The following ADGRB3 variants were observed in gnomAD, a reference collection of about 807,000 sequenced individuals.
ADGRB3 encodes brain-specific angiogenesis inhibitor 3.
Under a neutral mutation model 193.4 loss-of-function variants are expected in ADGRB3, and 37 were observed. That is an observed-to-expected ratio of 0.19 (90% confidence interval 0.15 to 0.25). The LOEUF is 0.25. Among genes scored for constraint, ADGRB3 ranks in the 10% least tolerant of loss-of-function variants. ADGRB3 has a pLI of 1.00. For missense variants in ADGRB3, 1,637 were observed against 1,852.9 expected (o/e 0.88, Z 2.14); for synonymous variants, 690 against 644.2 (o/e 1.07, Z -1.08).
intron 13 of ADGRB3, among the ~76,000 whole-genome samples, chr6:69,038,066 C>T (rs1770926317): frequency 2.0e-5 from 3 of 152,126 alleles, no homozygotes; most frequent in Admixed American, 2.0e-4. Flanking sequence ...TGTAGGGGCT[C>T]AATAGAGGTT....
At chr6:68,897,263 G>A (rs1277959440) in intron 3 of ADGRB3, among the ~76,000 whole-genome samples, 1 of 151,822 alleles carries the variant, frequency 6.6e-6, no homozygotes, top group Non-Finnish European at 1.5e-5. Flanking sequence ...GGGAAGTCAA[G>A]GCAGGCAGAT....
In ADGRB3 at chr6:69,031,553, T is replaced by TTTCTTTCTTTCTTTC. The variant is rs1554248806; in HGVS notation, c.2107+13055_2107+13056insTCTTTCTTTCTTTCT. Among the ~76,000 whole-genome samples, 521 of 108,706 alleles carry TTTCTTTCTTTCTTTC rather than the reference T, an allele frequency of 4.8e-3. 63 individuals carry two copies. Among genetic ancestry groups the TTTCTTTCTTTCTTTC allele is most frequent in the African/African-American group, 0.016 (481 of 30,244 alleles). The allele number at this position is 108,706 out of a possible 152,430, so 71.3% of individuals were successfully genotyped here. ...TCTTTCTTTCTTTCTTTCTTTCTTT[T>TTTCTTTCTTTCTTTC]TCTTTCTTTCTTTTCTTCCTCTGTC... On this transcript the variant is annotated intron_variant, in intron 13 of 31. Coordinates refer to ENST00000370598, the MANE Select transcript of ADGRB3 (RefSeq NM_001704.3).
rs1355758747 is a variant in ADGRB3, at chr6:69,137,079, T to G, written c.2480+61041T>G. Among the ~76,000 whole-genome samples, 3 of 60,372 alleles carry G rather than the reference T, an allele frequency of 5.0e-5. No individual in the cohort carries two copies. In the Admixed American group the frequency reaches 6.7e-4, roughly 13 times the overall value. 39.6% of individuals were successfully genotyped at this position (60,372 alleles called of 152,430 possible). Reference sequence around the variant, plus strand: ...TTCTTTTTTTTTTTTTTTTTTTTAATGGTAAGATCTTTTTGAGCCTCAAAT... The same window carrying G: ...TTCTTTTTTTTTTTTTTTTTTTTAAGGGTAAGATCTTTTTGAGCCTCAAAT... On this transcript the variant is annotated intron_variant, in intron 17 of 31. Transcript: ENST00000370598.
chr6:69,210,903 CAGG>C (rs1765649733), intron 17 of ADGRB3, among the ~76,000 whole-genome samples: 1 of 151,728 alleles, frequency 6.6e-6, no homozygotes, highest in African/African-American at 2.4e-5. Context: ...ATCACGAGGT[CAGG>C]AGATCGAGAC....
chr6:68,828,901 A>G (rs770387353), intron 3 of ADGRB3, among the ~76,000 whole-genome samples: 4 of 152,064 alleles, frequency 2.6e-5, no homozygotes. Context: ...AGTTTATGAG[A>G]CAGAAATATA....
intron 17 of ADGRB3, among the ~76,000 whole-genome samples, chr6:69,146,919 C>T (rs1157660469): frequency 1.7e-5 from 2 of 118,388 alleles, no homozygotes; most frequent in African/African-American, 6.5e-5. Context: ...TCCATTTCTT[C>T]TAGGTTTGCC....
At chr6:69,173,405 A>T (rs1645240240) in intron 17 of ADGRB3, among the ~76,000 whole-genome samples, 1 of 152,196 alleles carries the variant, frequency 6.6e-6, no homozygotes, top group African/African-American at 2.4e-5. Flanking sequence ...TTTTTTAAAC[A>T]GAAGAAAAAG....
At position 69,239,205 on chromosome 6, in the gene ADGRB3, A is replaced by G; in HGVS notation, c.2793A>G (p.Gly931=). ...IISSNILILV[G]QTQTHNKSIC... is the part of the protein sequence containing the mutation. ...CATCCAATATCCTCATACTGGTTGG[A>G]CAGACTCAGACACATAATAAGGTAT... Residue 931 remains glycine, a synonymous_variant, in exon 20 of 32, where the codon GGA becomes GGG. Coordinates refer to ENST00000370598, the MANE Select transcript of ADGRB3 (RefSeq NM_001704.3). The G allele has an allele frequency of 1.3e-6, 2 of 1,572,222 alleles. No homozygotes were observed. Among genetic ancestry groups the G allele is most frequent in the Non-Finnish European group, 1.7e-6 (2 of 1,144,030 alleles).
chr6:69,227,643 AAACT>A (rs1429951174), intron 17 of ADGRB3, among the ~76,000 whole-genome samples: 8 of 152,190 alleles, frequency 5.3e-5, no homozygotes, highest in Non-Finnish European at 1.0e-4. Flanking sequence ...CTTCTCTAAG[AAACT>A]AACTACATTT....
chr6:69,136,862 C>G (rs1774163863), intron 17 of ADGRB3, among the ~76,000 whole-genome samples: 1 of 151,990 alleles, frequency 6.6e-6, no homozygotes, highest in African/African-American at 2.4e-5. Context: ...GTGGCACTTT[C>G]TGTTTGTATA....
At chr6:68,927,902 C>A (rs1767226734) in intron 3 of ADGRB3, among the ~76,000 whole-genome samples, 1 of 152,008 alleles carries the variant, frequency 6.6e-6, no homozygotes, top group Non-Finnish European at 1.5e-5. Context: ...CCAATTCAAA[C>A]TTCTGATTAT....
At position 68,639,370 on chromosome 6, in the gene ADGRB3, A is replaced by C; in HGVS notation, c.695A>C (p.Gln232Pro). ...GAGCAGACAGAGGGCTGCCTGACCCAGGAGCTGCAAACCACCCAAGTCTGC... is the reference window on the plus strand; with the variant it reads ...GAGCAGACAGAGGGCTGCCTGACCCCGGAGCTGCAAACCACCCAAGTCTGC... Reference protein sequence around the residue: ...LNEQTEGCLTQELQTTQVCNL... With the variant: ...LNEQTEGCLTPELQTTQVCNL... The change falls in exon 3 of 32, where the codon CAG becomes CCG. Residue 232 changes from glutamine to proline, a missense_variant. Transcript: ENST00000370598. The C allele has an allele frequency of 6.2e-7, 1 of 1,613,994 alleles. No homozygotes were observed. The highest frequency in any genetic ancestry group is 8.5e-7 in the Non-Finnish European group (1 of 1,180,012).
At chr6:69,218,124 A>T (rs1022149563) in intron 17 of ADGRB3, among the ~76,000 whole-genome samples, 1 of 152,018 alleles carries the variant, frequency 6.6e-6, no homozygotes, top group East Asian at 1.9e-4. Flanking sequence ...TTACATTGCA[A>T]AAAAAGACAA....
chr6:69,062,907 C>T (rs778372741), intron 15 of ADGRB3, 27 bp from the exon 16 acceptor site: 7 of 1,531,640 alleles, frequency 4.6e-6, no homozygotes, highest in Non-Finnish European at 6.3e-6. Flanking sequence ...CTCATTTCTC[C>T]TTTTAATTAT....
At chr6:68,953,295 C>T (rs1239331752) in intron 6 of ADGRB3, among the ~76,000 whole-genome samples, 1 of 152,178 alleles carries the variant, frequency 6.6e-6, no homozygotes, top group Non-Finnish European at 1.5e-5. Context: ...ATTCTAGTCA[C>T]TCAGCACTAA....
chr6:69,284,706 C>A (rs1307764313), intron 20 of ADGRB3, among the ~76,000 whole-genome samples: 1 of 151,974 alleles, frequency 6.6e-6, no homozygotes, highest in Non-Finnish European at 1.5e-5. Context: ...TGAATTTTGC[C>A]ACTTAACCTG....
Position 68,889,692 on chromosome 6 carries a change from T to C in ADGRB3, c.758-40867T>C, listed in dbSNP as rs957394694. Among the ~76,000 whole-genome samples the C allele has an allele frequency of 6.6e-5, 10 of 151,974 alleles. 1 individual carries two copies. Among genetic ancestry groups the C allele is most frequent in the Admixed American group, 6.6e-4 (10 of 15,248 alleles). On this transcript the variant is annotated intron_variant, in intron 3 of 31. Coordinates refer to ENST00000370598, the MANE Select transcript of ADGRB3 (RefSeq NM_001704.3). ...TAATTTTTTGTATTTTTAGTAGAGATGGGGTTTCACTGTGTTAGCCAGGAT... is the reference window on the plus strand; with the variant it reads ...TAATTTTTTGTATTTTTAGTAGAGACGGGGTTTCACTGTGTTAGCCAGGAT...
chr6:69,198,789 A>C (rs1286916136), intron 17 of ADGRB3, among the ~76,000 whole-genome samples: 1 of 152,210 alleles, frequency 6.6e-6, no homozygotes, highest in Admixed American at 6.5e-5. Context: ...TAATAAATGA[A>C]TAAGTGTGTC....
chr6:68,781,648 A>G lies in ADGRB3; in HGVS notation c.757+142216A>G, dbSNP rs143281027. On this transcript the variant is annotated intron_variant, in intron 3 of 31. Transcript: ENST00000370598. ...ATATGGATAATTTAATATGATGATT[A>G]CAATTAGATAAAATAGCTCAAAAAA... Among the ~76,000 whole-genome samples the G allele has an allele frequency of 2.2e-3, 342 of 152,210 alleles. 1 individual carries two copies. Among genetic ancestry groups the G allele is most frequent in the African/African-American group, 7.8e-3 (325 of 41,562 alleles).
Sources: gnomAD v4.1 joint callset for allele counts (sites outside exome capture counted in the v4.1 genomes callset) on GRCh38, gnomAD v4.1.1 for gene constraint, MANE v1.5 for transcripts, NCBI Gene and HGNC (gene_info 2026-07-23, HGNC 2026-07-21) for gene names.